The following CWC15 variants were observed in gnomAD, a reference collection of about 807,000 sequenced individuals.
The protein encoded by CWC15 is spliceosome-associated protein CWC15 homolog.
Under a neutral mutation model 28.4 loss-of-function variants are expected in CWC15, and 12 were observed. The observed-to-expected ratio is 0.42, with a 90% CI of 0.27 to 0.69. The LOEUF is 0.69. CWC15 is among the 30% of genes least tolerant of loss of function. The pLI is 0.23. For missense variants in CWC15, 192 were observed against 271.5 expected (o/e 0.71, Z 2.06); for synonymous variants, 92 against 88.4 (o/e 1.04, Z -0.23).
chr11:94,966,226 T>TACACAC (rs58215154), intron 6 of CWC15, 69 bp downstream of exon 6: 10,795 of 668,602 alleles, frequency 0.016, 53 homozygotes, highest in Middle Eastern at 0.019. Context: ...CATACACATA[T>TACACAC]ACACACACAC....
intron 5 of CWC15, 74 bp from the exon 6 acceptor site, chr11:94,966,487 G>C: frequency 5.7e-6 from 3 of 527,278 alleles, no homozygotes; most frequent in Non-Finnish European, 5.4e-6. Context: ...TTAGCTCACT[G>C]AAAAAAAAAA....
chr11:94,966,275 A>G lies in CWC15; in HGVS notation c.560+20T>C, dbSNP rs1590957524. ...CACACACACACACACACACTCCATT[A>G]CTCCGTTACTGTATAGTACCTTCTT... On this transcript the variant is annotated intron_variant, in intron 6 of 6. Transcript: ENST00000279839. The G allele has an allele frequency of 8.3e-7, 1 of 1,211,460 alleles. No individual in the cohort carries two copies. Among genetic ancestry groups the G allele is most frequent in the East Asian group, 2.6e-5 (1 of 39,136 alleles). 75.0% of individuals were successfully genotyped at this position (1,211,460 alleles called of 1,614,324 possible).
chr11:94,971,666 C>T (rs1555096283), intron 2 of CWC15, among the ~76,000 whole-genome samples, 179 bp from the exon 3 acceptor site: 1 of 152,150 alleles, frequency 6.6e-6, no homozygotes, highest in Admixed American at 6.5e-5. Context: ...TTGTGATGTT[C>T]CCAATATTTC....
intron 6 of CWC15, among the ~76,000 whole-genome samples, chr11:94,965,354 GTTTTA>G (rs1857624390): frequency 6.6e-6 from 1 of 152,172 alleles, no homozygotes; most frequent in Non-Finnish European, 1.5e-5. Flanking sequence ...AAGCTTTTCT[GTTTTA>G]TTTTATATAT....
intron 6 of CWC15, 79 bp from the exon 7 acceptor site, chr11:94,963,593 A>G: frequency 2.4e-6 from 3 of 1,244,544 alleles, no homozygotes; most frequent in Non-Finnish European, 3.2e-6. Context: ...TGCAAGGCTT[A>G]GTCAGTTACA....
chr11:94,966,210 T>A (rs1555095216), intron 6 of CWC15, 85 bp downstream of exon 6: 1 of 820,862 alleles, frequency 1.2e-6, no homozygotes, highest in Non-Finnish European at 1.9e-6. Context: ...TGCCTGTGTG[T>A]ATACACATAC....
At position 94,969,878 on chromosome 11, in the gene CWC15, G is replaced by C. The variant is rs587744567; in HGVS notation, c.441+111C>G. The C allele has an allele frequency of 8.5e-5, 45 of 527,446 alleles. 1 individual carries two copies. In the South Asian group the frequency reaches 1.8e-3, roughly 21 times the overall value. 32.7% of individuals were successfully genotyped at this position (527,446 alleles called of 1,614,324 possible). A position where few individuals can be genotyped will look rare whatever the true frequency, so the allele number is the denominator to read the frequency against. On this transcript the variant is annotated intron_variant, in intron 5 of 6. Coordinates refer to ENST00000279839, the MANE Select transcript of CWC15 (RefSeq NM_016403.4). ...AGATCTACAAGTGCTATAATATTTA[G>C]ACACGGTAAAGGAGATTTCTAATAT... is the stretch of plus-strand genomic sequence containing the variant.
intron 5 of CWC15, among the ~76,000 whole-genome samples, chr11:94,966,649 T>C (rs1335946410): frequency 3.3e-5 from 5 of 151,552 alleles, no homozygotes; most frequent in African/African-American, 1.2e-4. Context: ...GTTGATATCA[T>C]ACAGTAATTA....
chr11:94,970,002 T>C lies in CWC15; in HGVS notation c.428A>G (p.Glu143Gly). 1.3e-6 allele frequency: 2 copies of C among 1,556,996 alleles called. No homozygotes were observed. Among genetic ancestry groups the C allele is most frequent in the Non-Finnish European group, 1.7e-6 (2 of 1,150,562 alleles). The change falls in exon 5 of 7, where the codon GAG becomes GGG. Residue 143 changes from glutamate to glycine, a missense_variant. Physicochemically the swap from Glu to Gly is moderately conservative, Grantham distance 98. Transcript: ENST00000279839. ...LEKIKKERAE[E>G]QARKEQEQKA... ...CTTTGGTTTTACCTTCCTGGCCTGC[T>C]CTTCAGCTCTTTCTTTTTTAATTTT... is the stretch of plus-strand genomic sequence containing the variant.
In CWC15 at chr11:94,970,038, G is replaced by C; in HGVS notation, c.392C>G (p.Ala131Gly). The stretch of plus-strand genomic sequence containing the variant: ...TTCTTTTTTAATTTTTTCCAGTTCT[G>C]CAAGAAGAGCTGCAGTATCATCATC... ...SDDDDTAALL[A>G]ELEKIKKERA... The change falls in exon 5 of 7, where the codon GCA (alanine) becomes GGA (glycine). Residue 131 changes from alanine to glycine, a missense_variant. Physicochemically the swap from Ala to Gly is moderately conservative, Grantham distance 60 (BLOSUM62 0). Transcript: ENST00000279839. 2 of 1,575,130 alleles carry C rather than the reference G, an allele frequency of 1.3e-6. No individual in the cohort carries two copies. Among genetic ancestry groups the C allele is most frequent in the South Asian group, 2.3e-5 (2 of 85,170 alleles).
At chr11:94,966,222 CATAT>C (rs1244983917) in intron 6 of CWC15, 69 bp downstream of exon 6, 12 of 740,410 alleles carry the variant, frequency 1.6e-5, no homozygotes, top group South Asian at 9.5e-5. Flanking sequence ...TACACATACA[CATAT>C]ACACACACAC....
intron 4 of CWC15, 61 bp from the exon 5 acceptor site, chr11:94,970,157 A>G: frequency 2.6e-6 from 2 of 774,232 alleles, no homozygotes; most frequent in Non-Finnish European, 4.1e-6. Flanking sequence ...AAAACACAGT[A>G]CATATGTACA....
rs151205831 is a variant in CWC15 at position 94,965,182 on chromosome 11, C to T, written c.560+1113G>A. Among the ~76,000 whole-genome samples, 387 of 152,280 alleles carry T rather than the reference C, an allele frequency of 2.5e-3. 7 individuals are homozygous for T. Among genetic ancestry groups the T allele is most frequent in the Admixed American group, 0.023 (348 of 15,296 alleles). On this transcript the variant is annotated intron_variant, in intron 6 of 6. Coordinates refer to ENST00000279839, the MANE Select transcript of CWC15 (RefSeq NM_016403.4). ...GGGCAGGTAGCAGTACTGCATCACT[C>T]CAGAAGGGAAAGCAGTCAGCAGTAC...
chr11:94,965,128 T>G (rs1857620667), intron 6 of CWC15, among the ~76,000 whole-genome samples: 1 of 152,142 alleles, frequency 6.6e-6, no homozygotes, highest in Non-Finnish European at 1.5e-5. Context: ...GGGAAAGCAT[T>G]CAGCAGTACT....
Position 94,963,673 on chromosome 11 carries a change from T to C in CWC15, c.561-159A>G, listed in dbSNP as rs1167510911. Among the ~76,000 whole-genome samples the C allele has an allele frequency of 3.3e-5, 5 of 152,224 alleles. No homozygotes were observed. The South Asian group carries it at 8.3e-4, about 25-fold the overall frequency. On this transcript the variant is annotated intron_variant, in intron 6 of 6. Coordinates refer to ENST00000279839, the MANE Select transcript of CWC15 (RefSeq NM_016403.4). Reference sequence around the variant, plus strand: ...CTCAAAAGAATAATGTCATCCTTAATATATAATCTTGCTTTCTTATAGCAA... The same window carrying C: ...CTCAAAAGAATAATGTCATCCTTAACATATAATCTTGCTTTCTTATAGCAA...
At chr11:94,968,231 C>T (rs761054675) in intron 5 of CWC15, among the ~76,000 whole-genome samples, 2 of 152,150 alleles carry the variant, frequency 1.3e-5, no homozygotes. Context: ...GATAGAGGCT[C>T]CATGACCAGC....
At chr11:94,969,340 T>C (rs1342115750) in intron 5 of CWC15, among the ~76,000 whole-genome samples, 1 of 152,144 alleles carries the variant, frequency 6.6e-6, no homozygotes, top group Non-Finnish European at 1.5e-5. Flanking sequence ...AAAATGCGTA[T>C]CCAGTTTTAT....
chr11:94,971,319 G>A, intron 3 of CWC15, 56 bp downstream of exon 3: 1 of 1,409,868 alleles, frequency 7.1e-7, no homozygotes, highest in Non-Finnish European at 9.9e-7. Context: ...GCTACATAAA[G>A]AAAAACTATC....
chr11:94,973,036 G>T (rs1590961576), intron 1 of CWC15, among the ~76,000 whole-genome samples: 1 of 138,464 alleles, frequency 7.2e-6, no homozygotes, highest in East Asian at 2.8e-4. Flanking sequence ...GGGCGAATTG[G>T]GAGGATTTTT....
Sources: allele counts gnomAD v4.1 joint callset (sites outside exome capture counted in the v4.1 genomes callset), GRCh38; gene constraint gnomAD v4.1.1; transcripts MANE v1.5; gene names NCBI Gene and HGNC (gene_info 2026-07-23, HGNC 2026-07-21).